Variants in KHSRP observed in about 807,000 individuals in gnomAD.
KHSRP encodes the protein far upstream element-binding protein 2.
In KHSRP, 13 loss-of-function variants were observed where a neutral mutation model predicts 94.9. That is an observed-to-expected ratio of 0.14 (90% CI 0.09 to 0.22). KHSRP has a LOEUF of 0.22. KHSRP is among the 10% of genes least tolerant of loss of function. The pLI is 1.00. For synonymous variants in KHSRP, 495 were observed against 401.4 expected (o/e 1.23, Z -2.79); for missense variants, 710 against 1,010.0 (o/e 0.70, Z 4.03).
At chr19:6,419,947 T>C (rs1016896499) in intron 6 of KHSRP, 126 bp downstream of exon 6, 4 of 724,468 alleles carry the variant, frequency 5.5e-6, no homozygotes, top group Non-Finnish European at 9.7e-6. Flanking sequence ...GCCTGGTCCG[T>C]AGTAAGCACC....
chr19:6,416,551 A>G lies in KHSRP; in HGVS notation c.1427T>C (p.Ile476Thr). ...PNGDPNFKLF[I>T]IRGSPQQIDH... Reference sequence around the variant, plus strand: ...AATCTGCTGGGGTGAACCCCGGATGATGAACAACTTGAAGTTGGGGTCCCC... The same window carrying G: ...AATCTGCTGGGGTGAACCCCGGATGGTGAACAACTTGAAGTTGGGGTCCCC... The change falls in exon 14 of 19, where the codon ATC becomes ACC. Residue 476 changes from isoleucine (I) to threonine (T), a missense_variant. Coordinates refer to ENST00000600480, the MANE Select transcript of KHSRP (RefSeq NM_001366299.1). The G allele has an allele frequency of 6.2e-7, 1 of 1,613,824 alleles. No homozygotes were observed. Among genetic ancestry groups the G allele is most frequent in the Non-Finnish European group, 8.5e-7 (1 of 1,179,706 alleles).
Position 6,416,421 on chromosome 19 carries a change from G to A in KHSRP, c.1489-14C>T, listed in dbSNP as rs1460768702. 6.2e-7 allele frequency: 1 copy of A among 1,613,172 alleles called. No homozygotes were observed. Among genetic ancestry groups the A allele is most frequent in the Admixed American group, 1.7e-5 (1 of 59,918 alleles). Reference sequence around the variant, plus strand: ...GCAGAGAGGACCCTAGAAGGAAGGAGAGTAACCAAGGTAAGTGGGCTGGGA... The same window carrying A: ...GCAGAGAGGACCCTAGAAGGAAGGAAAGTAACCAAGGTAAGTGGGCTGGGA... On this transcript the variant is annotated splice_polypyrimidine_tract_variant and intron_variant, in intron 14 of 18. Coordinates refer to ENST00000600480, the MANE Select transcript of KHSRP (RefSeq NM_001366299.1).
chr19:6,422,224 G>A (rs1302090625), intron 2 of KHSRP, 116 bp downstream of exon 2: 3 of 673,414 alleles, frequency 4.5e-6, no homozygotes, highest in Admixed American at 5.1e-5. Flanking sequence ...GATTGCTGAG[G>A]TTTTAAAAGA....
chr19:6,423,162 C>T (rs2092205509), intron 1 of KHSRP, among the ~76,000 whole-genome samples: 1 of 152,066 alleles, frequency 6.6e-6, no homozygotes, highest in African/African-American at 2.4e-5. Flanking sequence ...ACTTATAATC[C>T]CAGCTACTCG....
chr19:6,422,195 G>A (rs182620609), intron 2 of KHSRP, 145 bp downstream of exon 2: 7,785 of 603,912 alleles, frequency 0.013, 82 homozygotes, highest in South Asian at 0.028. Context: ...GACGGAACAA[G>A]AAGAATTAAC....
rs973116072 is a variant in KHSRP, at chr19:6,413,693, G to A, written c.*1331C>T. 1 of 158,490 alleles carries A rather than the reference G, an allele frequency of 6.3e-6. No homozygotes were observed. The highest frequency in any genetic ancestry group is 6.3e-5 in the Admixed American group (1 of 15,778). 9.8% of individuals were successfully genotyped at this position (158,490 alleles called of 1,614,324 possible). A position where few individuals can be genotyped will look rare whatever the true frequency, so the allele number is the denominator to read the frequency against. On this transcript the variant is annotated 3_prime_UTR_variant, in exon 19 of 19. Coordinates refer to ENST00000600480, the MANE Select transcript of KHSRP (RefSeq NM_001366299.1). ...TTTAAAAACAAGAGGGCCGAGGGTG[G>A]GAGAAAATGAATTGCTTTATCCTCA... is the stretch of plus-strand genomic sequence containing the variant.
intron 11 of KHSRP, among the ~76,000 whole-genome samples, chr19:6,417,477 C>A (rs1462622286): frequency 6.6e-6 from 1 of 152,188 alleles, no homozygotes; most frequent in African/African-American, 2.4e-5. Context: ...CCAGGGCTGT[C>A]CTGTCAGGAT....
In KHSRP at chr19:6,414,926, G is replaced by A. The variant is rs1188488011; in HGVS notation, c.*98C>T. 2.8e-6 allele frequency: 4 copies of A among 1,406,300 alleles called. No homozygotes were observed. The highest frequency in any genetic ancestry group is 2.6e-4 in the Middle Eastern group (1 of 3,822). 87.1% of individuals were successfully genotyped at this position (1,406,300 alleles called of 1,614,324 possible). On this transcript the variant is annotated 3_prime_UTR_variant, in exon 19 of 19. Transcript: ENST00000600480. ...CACAGGAACAAGCAGCCGGCGCAGG[G>A]AGGCCTCTTCGTTTAACCTCTGGAC...
intron 11 of KHSRP, 87 bp from the exon 12 acceptor site, chr19:6,417,174 C>A (rs1370336661): frequency 2.0e-6 from 2 of 1,010,448 alleles, no homozygotes; most frequent in Non-Finnish European, 2.9e-6. Flanking sequence ...AGCGCAGACA[C>A]CACGCCGGCC....
Position 6,415,209 on chromosome 19 carries a change from C to T in KHSRP, c.2059G>A (p.Ala687Thr), listed in dbSNP as rs781081038. 2.8e-5 allele frequency: 45 copies of T among 1,611,984 alleles called. No individual in the cohort carries two copies. Among genetic ancestry groups the T allele is most frequent in the Non-Finnish European group, 3.6e-5 (43 of 1,179,806 alleles). The change falls in exon 19 of 19, where the codon GCT becomes ACT. Residue 687 changes from alanine to threonine, a missense_variant. Coordinates refer to ENST00000600480, the MANE Select transcript of KHSRP (RefSeq NM_001366299.1). ...AWAEYYRQQA[A>T]YYGQTPGPGG... ...GGACCTGGGGTCTGTCCGTAGTAAGCGGCCTGCTGTCTGTAATATTCCGCC... is the reference window on the plus strand; with the variant it reads ...GGACCTGGGGTCTGTCCGTAGTAAGTGGCCTGCTGTCTGTAATATTCCGCC...
chr19:6,416,660 C>T lies in KHSRP; in HGVS notation c.1328-10G>A, dbSNP rs376406768. On this transcript the variant is annotated splice_polypyrimidine_tract_variant and intron_variant, in intron 13 of 18. Transcript: ENST00000600480. The stretch of plus-strand genomic sequence containing the variant: ...TTCACATTCTCGCCACCTGCAGAAA[C>T]GCAGAAGGTGAAGGTGGCCTGCAGT... 79 of 1,613,682 alleles carry T rather than the reference C, an allele frequency of 4.9e-5. No individual in the cohort carries two copies. The African/African-American group carries it at 7.3e-4, about 15-fold the overall frequency.
Position 6,416,372 on chromosome 19 carries a change from G to A in KHSRP, c.1524C>T (p.Gly508=). ...GCCCCATTGGGCCAGCAGGGCCTGGGCCACCTGGGCCTGGTCCAACTGGGC... is the reference window on the plus strand; with the variant it reads ...GCCCCATTGGGCCAGCAGGGCCTGGACCACCTGGGCCTGGTCCAACTGGGC... ...PLCPVGPGPG[G]PGPAGPMGPF... The change falls in exon 15 of 19, where the codon GGC becomes GGT. Residue 508 remains glycine, a synonymous_variant. Transcript: ENST00000600480. The A allele has an allele frequency of 6.2e-7, 1 of 1,612,148 alleles. No homozygotes were observed. The highest frequency in any genetic ancestry group is 8.5e-7 in the Non-Finnish European group (1 of 1,179,346).
intron 7 of KHSRP, 132 bp from the exon 8 acceptor site, chr19:6,419,008 A>T (rs1002245846): frequency 6.9e-6 from 8 of 1,157,292 alleles, no homozygotes; most frequent in Non-Finnish European, 6.0e-6. Flanking sequence ...GGCCAGTCAC[A>T]GGGGCTGTTC....
At chr19:6,416,237 ATTC>A (rs2092145188) in intron 15 of KHSRP, 58 bp downstream of exon 15, 8 of 1,359,298 alleles carry the variant, frequency 5.9e-6, no homozygotes, top group Admixed American at 2.5e-5. Context: ...GGGGTCTGCT[ATTC>A]TTCTTGCCAG....
chr19:6,422,965 C>T (rs1006914122), intron 1 of KHSRP, among the ~76,000 whole-genome samples: 12 of 152,122 alleles, frequency 7.9e-5, no homozygotes, highest in African/African-American at 2.7e-4. Context: ...GATATGAAAT[C>T]CTCATTTGAC....
rs765155161 is a variant in KHSRP at position 6,414,989 on chromosome 19, G to A, written c.*35C>T. 4.9e-5 allele frequency: 71 copies of A among 1,443,162 alleles called. No individual in the cohort carries two copies. Among genetic ancestry groups the A allele is most frequent in the Middle Eastern group, 2.4e-4 (1 of 4,186 alleles). The allele number at this position is 1,443,162 out of a possible 1,614,324, so 89.4% of individuals were successfully genotyped here. A position where few individuals can be genotyped will look rare whatever the true frequency, so the allele number is the denominator to read the frequency against. On this transcript the variant is annotated 3_prime_UTR_variant, in exon 19 of 19. Transcript: ENST00000600480. Reference sequence around the variant, plus strand: ...TCCCTGGCGGTGCGTGGGGACTCCCGGAGACCTCCGGCCACACGGCCCCCG... The same window carrying A: ...TCCCTGGCGGTGCGTGGGGACTCCCAGAGACCTCCGGCCACACGGCCCCCG...
rs1352906768 is a variant in KHSRP at position 6,415,167 on chromosome 19, G to A, written c.2101C>T (p.Pro701Ser). 1.2e-6 allele frequency: 2 copies of A among 1,607,284 alleles called. No individual in the cohort carries two copies. The highest frequency in any genetic ancestry group is 1.7e-6 in the Non-Finnish European group (2 of 1,179,092). ...QTPGPGGPQP[P>S]PTQQGQQQAS... is the part of the protein sequence containing the mutation. ...TGCTGCTGTCCCTGCTGCGTGGGCG[G>A]CGGCTGGGGGCCGCCAGGACCTGGG... is the stretch of plus-strand genomic sequence containing the variant. Residue 701 changes from proline to serine, a missense_variant, in exon 19 of 19, where the codon CCG becomes TCG. By Grantham distance (74) the Pro-to-Ser change is moderately conservative (BLOSUM62 -1). Coordinates refer to ENST00000600480, the MANE Select transcript of KHSRP (RefSeq NM_001366299.1).
In KHSRP at chr19:6,414,288, G is replaced by C; in HGVS notation, c.*736C>G. On this transcript the variant is annotated 3_prime_UTR_variant, in exon 19 of 19. Transcript: ENST00000600480. ...GACGTGCTTGTTAACTGTCTAGCCAGGTGCTCGCGGGACTCGCTGAAGTCA... is the reference window on the plus strand; with the variant it reads ...GACGTGCTTGTTAACTGTCTAGCCACGTGCTCGCGGGACTCGCTGAAGTCA... 7.1e-7 allele frequency: 1 copy of C among 1,402,708 alleles called. No individual in the cohort carries two copies. The highest frequency in any genetic ancestry group is 9.3e-7 in the Non-Finnish European group (1 of 1,071,668). The allele number at this position is 1,402,708 out of a possible 1,614,324, so 86.9% of individuals were successfully genotyped here. A position where few individuals can be genotyped will look rare whatever the true frequency, so the allele number is the denominator to read the frequency against.
Position 6,414,796 on chromosome 19 carries a change from G to A in KHSRP, c.*228C>T, listed in dbSNP as rs1263839529. On this transcript the variant is annotated 3_prime_UTR_variant, in exon 19 of 19. Coordinates refer to ENST00000600480, the MANE Select transcript of KHSRP (RefSeq NM_001366299.1). The stretch of plus-strand genomic sequence containing the variant: ...GATTGTGAGCGAGGTGGTGGCGGCC[G>A]GGCCGGTGCCCACCGTCCGCGCTGT... The A allele has an allele frequency of 3.5e-5, 40 of 1,156,072 alleles. No homozygotes were observed. The highest frequency in any genetic ancestry group is 1.1e-4 in the South Asian group (3 of 27,370). 71.6% of individuals were successfully genotyped at this position (1,156,072 alleles called of 1,614,324 possible). A position where few individuals can be genotyped will look rare whatever the true frequency, so the allele number is the denominator to read the frequency against.
Sources: gnomAD v4.1 joint callset for allele counts (sites outside exome capture counted in the v4.1 genomes callset) on GRCh38, gnomAD v4.1.1 for gene constraint, MANE v1.5 for transcripts, NCBI Gene and HGNC (gene_info 2026-07-23, HGNC 2026-07-21) for gene names.